FAM193A: variants seen among roughly 807,000 people sequenced by gnomAD.
FAM193A encodes family with sequence similarity 193 member A, also known as protein FAM193A.
In FAM193A, 22 loss-of-function variants were observed where a neutral mutation model predicts 126.5. That is an observed-to-expected ratio of 0.17 (90% CI 0.12 to 0.25). The LOEUF is 0.25. Ranked by LOEUF, FAM193A falls within the 10% of genes least tolerant of loss-of-function variation. The pLI, the probability that FAM193A is intolerant of heterozygous loss-of-function variation, is 1.00. For missense variants in FAM193A, 1,675 were observed against 1,672.8 expected, an observed-to-expected ratio of 1.00 and a Z score of -0.02; for synonymous variants, 761 against 646.8, an observed-to-expected ratio of 1.18 and a Z score of -2.68.
intron 1 of FAM193A, among the ~76,000 whole-genome samples, chr4:2,542,204 C>T (rs903866826): frequency 5.9e-5 from 9 of 151,994 alleles, no homozygotes; most frequent in South Asian, 2.1e-4. Context: ...TTAGTAGAGA[C>T]GGGGCTTCAC....
At chr4:2,562,492 A>G (rs939685511) in intron 1 of FAM193A, among the ~76,000 whole-genome samples, 1 of 152,112 alleles carries the variant, frequency 6.6e-6, no homozygotes, top group African/African-American at 2.4e-5. Context: ...ACCCCTTTCA[A>G]GAGTCTCAGA....
intron 1 of FAM193A, among the ~76,000 whole-genome samples, chr4:2,568,973 CTTTTTTTTT>C (rs753557878): frequency 9.9e-5 from 9 of 90,728 alleles, no homozygotes; most frequent in African/African-American, 4.1e-4. Flanking sequence ...TGTTGTTTTG[CTTTTTTTTT>C]TTTTTTTTTT....
intron 13 of FAM193A, among the ~76,000 whole-genome samples, chr4:2,683,981 G>T (rs1217713913): frequency 6.6e-6 from 1 of 152,096 alleles, no homozygotes; most frequent in Non-Finnish European, 1.5e-5. Flanking sequence ...GATAGTCTTC[G>T]TTTCTCTTAG....
In FAM193A at chr4:2,690,846, C is replaced by T; in HGVS notation, c.2679C>T (p.Phe893=). 1.2e-6 allele frequency: 2 copies of T among 1,614,198 alleles called. No homozygotes were observed. Among genetic ancestry groups the T allele is most frequent in the Non-Finnish European group, 1.7e-6 (2 of 1,180,036 alleles). ...GTTTATACAATTTCCAAGATGCTTT[C>T]ATGGAAGCAAATAAAGTTGTCATGG... ...KKCLYNFQDA[F]MEANKVVMAT... The change falls in exon 15 of 21, where the codon TTC becomes TTT. Residue 893 remains phenylalanine, a synonymous_variant. Transcript: ENST00000637812.
In FAM193A at chr4:2,731,769, T is replaced by C; in HGVS notation, c.4455-6T>C. 6.2e-7 allele frequency: 1 copy of C among 1,611,208 alleles called. No homozygotes were observed. Among genetic ancestry groups the C allele is most frequent in the Non-Finnish European group, 8.5e-7 (1 of 1,177,556 alleles). Reference sequence around the variant, plus strand: ...TCAGTGACTGTTTGGCTTTTTGTCTTTGCAGGTTCTGCTTGGATTCTGCTA... The same window carrying C: ...TCAGTGACTGTTTGGCTTTTTGTCTCTGCAGGTTCTGCTTGGATTCTGCTA... On this transcript the variant is annotated splice_region_variant and splice_polypyrimidine_tract_variant and intron_variant, in intron 20 of 20. Transcript: ENST00000637812.
At position 2,608,220 on chromosome 4, in the gene FAM193A, C is replaced by G. The variant is rs1741657358; in HGVS notation, c.501+11891C>G. 6 of 1,188,016 alleles carry G rather than the reference C, an allele frequency of 5.1e-6. No homozygotes were observed. The South Asian group carries it at 8.5e-5, about 17-fold the overall frequency. The allele number at this position is 1,188,016 out of a possible 1,614,324, so 73.6% of individuals were successfully genotyped here. A position where few individuals can be genotyped will look rare whatever the true frequency, so the allele number is the denominator to read the frequency against. ...CTGTTTTCGAGACGGTCGGTCTCGC[C>G]CAGTATGGAGTGCAGTGGTGCAATC... On this transcript the variant is annotated intron_variant, in intron 2 of 20. Coordinates refer to ENST00000637812, the MANE Select transcript of FAM193A (RefSeq NM_001366318.2).
chr4:2,624,392 C>T (rs1028585429), intron 2 of FAM193A, among the ~76,000 whole-genome samples: 1 of 152,168 alleles, frequency 6.6e-6, no homozygotes, highest in Non-Finnish European at 1.5e-5. Context: ...GATCCGCCTG[C>T]CTCGGCCTCC....
rs751407632 is a variant in FAM193A at position 2,693,844 on chromosome 4, G to A, written c.3062G>A (p.Gly1021Asp). 6 of 1,614,050 alleles carry A rather than the reference G, an allele frequency of 3.7e-6. No individual in the cohort carries two copies. In the East Asian group the frequency reaches 1.3e-4, roughly 36 times the overall value. The change falls in exon 16 of 21, where the codon GGC becomes GAC. Residue 1021 changes from glycine to aspartate, a missense_variant. Physicochemically the swap from Gly to Asp is moderately conservative, Grantham distance 94. Transcript: ENST00000637812. The part of the protein sequence containing the change: ...CPAPLPPATD[G>D]SISAPPSVCS... Reference sequence around the variant, plus strand: ...GCACCCCTACCCCCGGCCACAGATGGCTCCATTAGCGCCCCTCCAAGTGTC... The same window carrying A: ...GCACCCCTACCCCCGGCCACAGATGACTCCATTAGCGCCCCTCCAAGTGTC...
At chr4:2,544,037 C>T (rs981596941) in intron 1 of FAM193A, among the ~76,000 whole-genome samples, 5 of 151,926 alleles carry the variant, frequency 3.3e-5, no homozygotes, top group African/African-American at 1.2e-4. Flanking sequence ...AAATTGCGAC[C>T]ACGGTGAAAT....
At chr4:2,729,459 C>G (rs977626267) in intron 20 of FAM193A, among the ~76,000 whole-genome samples, 3 of 152,180 alleles carry the variant, frequency 2.0e-5, no homozygotes, top group Non-Finnish European at 4.4e-5. Flanking sequence ...ACTTGCCTCT[C>G]GAGTTGCCCA....
chr4:2,588,232 C>T (rs1022687898), intron 1 of FAM193A, among the ~76,000 whole-genome samples: 3 of 152,216 alleles, frequency 2.0e-5, no homozygotes, highest in Non-Finnish European at 2.9e-5. Context: ...TCTCAACTTC[C>T]ATCATTAGGC....
At chr4:2,661,620 C>G (rs1039177026) in intron 10 of FAM193A, among the ~76,000 whole-genome samples, 1 of 152,160 alleles carries the variant, frequency 6.6e-6, no homozygotes, top group Non-Finnish European at 1.5e-5. Context: ...GCTCCAGACT[C>G]TAGCACGTTA....
At chr4:2,670,283 T>G (rs1713638938) in intron 12 of FAM193A, among the ~76,000 whole-genome samples, 1 of 152,204 alleles carries the variant, frequency 6.6e-6, no homozygotes, top group South Asian at 2.1e-4. Context: ...TTTTACTGTT[T>G]TTTTGTTTCT....
intron 12 of FAM193A, among the ~76,000 whole-genome samples, chr4:2,669,354 C>T (rs936946926): frequency 1.3e-4 from 20 of 152,106 alleles, no homozygotes; most frequent in African/African-American, 4.8e-4. Context: ...GGGTGTCTCA[C>T]GCCCAGCACT....
chr4:2,671,574 A>G (rs1190655018), intron 12 of FAM193A, among the ~76,000 whole-genome samples: 1 of 152,242 alleles, frequency 6.6e-6, no homozygotes, highest in Non-Finnish European at 1.5e-5. Context: ...ATTTGCATGA[A>G]TAAATGTGTC....
chr4:2,559,562 C>T (rs920884307), intron 1 of FAM193A, among the ~76,000 whole-genome samples: 13 of 152,150 alleles, frequency 8.5e-5, no homozygotes, highest in Non-Finnish European at 1.9e-4. Flanking sequence ...TCCCAAAGTG[C>T]TGGGATTACA....
intron 6 of FAM193A, 29 bp from the exon 7 acceptor site, chr4:2,646,656 C>G (rs770751561): frequency 1.5e-5 from 23 of 1,568,428 alleles, no homozygotes; most frequent in Non-Finnish European, 1.9e-5. Flanking sequence ...TGGGTTCTTT[C>G]CTTTGTTACA....
At chr4:2,708,316 A>T (rs1718538307) in intron 19 of FAM193A, 4 of 291,918 alleles carry the variant, frequency 1.4e-5, no homozygotes, top group South Asian at 1.0e-4. Context: ...GTAGAGATAG[A>T]GTTTCACCAT....
At chr4:2,626,272 A>G (rs925692804) in intron 3 of FAM193A, 138 bp from the exon 4 acceptor site, 4 of 621,688 alleles carry the variant, frequency 6.4e-6, no homozygotes, top group Non-Finnish European at 1.2e-5. Context: ...ACCCCCCTGC[A>G]CTGACAGCAG....
Sources: allele counts gnomAD v4.1 joint callset (sites outside exome capture counted in the v4.1 genomes callset), GRCh38; gene constraint gnomAD v4.1.1; transcripts MANE v1.5; gene names NCBI Gene and HGNC (gene_info 2026-07-23, HGNC 2026-07-21).